Variants in SPI1 observed in about 807,000 individuals in gnomAD.
SPI1 encodes transcription factor PU.1.
Under a neutral mutation model 30.7 loss-of-function variants are expected in SPI1, and 3 were observed. That is an observed-to-expected ratio of 0.10 (90% CI 0.04 to 0.25). SPI1 has a LOEUF of 0.25. Among genes scored for constraint, SPI1 ranks in the 10% least tolerant of loss-of-function variants. The pLI is 1.00. For missense variants in SPI1, 261 were observed against 371.5 expected (o/e 0.70, Z 2.45); for synonymous variants, 169 against 157.1 (o/e 1.08, Z -0.56).
chr11:47,376,248 A>G (rs577505079), intron 1 of SPI1, among the ~76,000 whole-genome samples: 2 of 152,104 alleles, frequency 1.3e-5, no homozygotes, highest in East Asian at 3.9e-4. Flanking sequence ...GCACACACGC[A>G]GAGTCTCCTT....
chr11:47,372,995 T>C (rs888754056), intron 2 of SPI1, among the ~76,000 whole-genome samples: 1 of 152,126 alleles, frequency 6.6e-6, no homozygotes, highest in African/African-American at 2.4e-5. Context: ...GTGCAGGAAT[T>C]GACAGAAGTG....
intron 2 of SPI1, among the ~76,000 whole-genome samples, chr11:47,372,214 C>T (rs2095936891): frequency 6.6e-6 from 1 of 151,904 alleles, no homozygotes; most frequent in Admixed American, 6.6e-5. Flanking sequence ...AAGCGATTCT[C>T]CTGCCTCAGC....
intron 2 of SPI1, among the ~76,000 whole-genome samples, chr11:47,360,982 G>T (rs565940696): frequency 6.6e-6 from 1 of 151,196 alleles, no homozygotes; most frequent in Non-Finnish European, 1.5e-5. Flanking sequence ...TTAGCTGGGC[G>T]TGGTGGCGGG....
At chr11:47,357,145 CCT>C (rs1411704153) in intron 4 of SPI1, among the ~76,000 whole-genome samples, 18 of 150,780 alleles carry the variant, frequency 1.2e-4, no homozygotes, top group Non-Finnish European at 2.4e-4. Flanking sequence ...CATGCTCACA[CCT>C]CATACCTCAC....
At chr11:47,377,043 C>T (rs943939869) in intron 1 of SPI1, among the ~76,000 whole-genome samples, 1 of 152,214 alleles carries the variant, frequency 6.6e-6, no homozygotes, top group Non-Finnish European at 1.5e-5. Flanking sequence ...CTGCCTGGGC[C>T]GCCCACTTCG....
chr11:47,357,973 C>G (rs1018625732), intron 4 of SPI1, among the ~76,000 whole-genome samples: 1 of 151,464 alleles, frequency 6.6e-6, no homozygotes, highest in South Asian at 2.1e-4. Flanking sequence ...TGCTTAAGCA[C>G]GTCCTCACCC....
chr11:47,368,236 A>G (rs1171400245), intron 2 of SPI1, among the ~76,000 whole-genome samples: 1 of 152,128 alleles, frequency 6.6e-6, no homozygotes. Context: ...ATAGTGGTGG[A>G]CACCTGTAAT....
chr11:47,356,245 CCA>C (rs562629428), intron 4 of SPI1, among the ~76,000 whole-genome samples: 8 of 151,070 alleles, frequency 5.3e-5, no homozygotes, highest in Admixed American at 2.6e-4. Context: ...TAACATGCCC[CCA>C]CACACTGGCA....
Position 47,355,456 on chromosome 11 carries a change from T to C in SPI1, c.584A>G (p.Asp195Gly). ...GGACGAGAACTGGAAGGTGCCCTTG[T>C]CCTTGTCCACCCACCAGATGCTGTC... ...MKDSIWWVDK[D>G]KGTFQFSSKH... The change falls in exon 5 of 5, where the codon GAC (aspartate) becomes GGC (glycine). Residue 195 changes from aspartate (D) to glycine (G), a missense_variant. Coordinates refer to ENST00000378538, the MANE Select transcript of SPI1 (RefSeq NM_003120.3). 1 of 1,613,586 alleles carries C rather than the reference T, an allele frequency of 6.2e-7. No individual in the cohort carries two copies. The highest frequency in any genetic ancestry group is 8.5e-7 in the Non-Finnish European group (1 of 1,179,662).
Position 47,375,579 on chromosome 11 carries a change from C to T in SPI1, c.142+54G>A. On this transcript the variant is annotated intron_variant, in intron 2 of 4. Transcript: ENST00000378538. The surrounding 1 kb of genome is among the most constrained non-coding windows in gnomAD (Gnocchi z 4.2). Reference sequence around the variant, plus strand: ...ATTTATTCTTTTTCTCTCTCCAGACCCCAGGAGCCCAGGCTGGGCTGGGGG... The same window carrying T: ...ATTTATTCTTTTTCTCTCTCCAGACTCCAGGAGCCCAGGCTGGGCTGGGGG... 1.5e-6 allele frequency: 2 copies of T among 1,362,486 alleles called. No individual in the cohort carries two copies. The highest frequency in any genetic ancestry group is 2.1e-6 in the Non-Finnish European group (2 of 951,108). 84.4% of individuals were successfully genotyped at this position (1,362,486 alleles called of 1,614,324 possible).
intron 1 of SPI1, among the ~76,000 whole-genome samples, chr11:47,377,004 G>A (rs1443261970): frequency 6.6e-6 from 1 of 152,184 alleles, no homozygotes; most frequent in Non-Finnish European, 1.5e-5. Flanking sequence ...GGCAGAATTG[G>A]CTCTTTCTGA....
chr11:47,357,118 C>T (rs1179786066), intron 4 of SPI1, among the ~76,000 whole-genome samples: 4 of 151,390 alleles, frequency 2.6e-5, no homozygotes, highest in African/African-American at 9.7e-5. Flanking sequence ...CACCCACTCA[C>T]ATGCTCACAC....
intron 4 of SPI1, among the ~76,000 whole-genome samples, chr11:47,355,781 C>T (rs982786574): frequency 2.7e-5 from 4 of 150,760 alleles, no homozygotes; most frequent in African/African-American, 9.8e-5. Flanking sequence ...CTCACCCCCC[C>T]CACGCGCACA....
At position 47,359,904 on chromosome 11, in the gene SPI1, C is replaced by T; in HGVS notation, c.279G>A (p.Met93Ile). The change falls in exon 3 of 5, where the codon ATG becomes ATA. Residue 93 changes from methionine to isoleucine, a missense_variant. Around this residue, in one of 5 missense-constraint regions of SPI1, gnomAD observed 106 missense variants for 102.0 expected, o/e 1.04. Transcript: ENST00000378538. This position sits in a 1 kb window ranked among gnomAD's most constrained non-coding sequence, Gnocchi z 5.1. Reference protein sequence around the residue: ...QLYRHMELEQMHVLDTPMVPP... With the variant: ...QLYRHMELEQIHVLDTPMVPP... ...GCACCATGGGGGTATCGAGGACGTG[C>T]ATCTGCTCCAGCTCCATGTGGCGGT... 1.2e-6 allele frequency: 2 copies of T among 1,610,466 alleles called. No individual in the cohort carries two copies. Among genetic ancestry groups the T allele is most frequent in the Non-Finnish European group, 1.7e-6 (2 of 1,179,888 alleles).
chr11:47,371,091 T>C (rs963535442), intron 2 of SPI1, among the ~76,000 whole-genome samples: 2 of 152,098 alleles, frequency 1.3e-5, no homozygotes, highest in African/African-American at 2.4e-5. Context: ...CCGGGCACGG[T>C]GGCTCACGCC....
chr11:47,361,405 G>C (rs1162550831), intron 2 of SPI1, among the ~76,000 whole-genome samples: 1 of 152,194 alleles, frequency 6.6e-6, no homozygotes, highest in Non-Finnish European at 1.5e-5. Flanking sequence ...CCCCCTGTGG[G>C]TTCCTTGAGT....
chr11:47,355,999 A>G (rs1291885959), intron 4 of SPI1, among the ~76,000 whole-genome samples: 1 of 151,052 alleles, frequency 6.6e-6, no homozygotes, highest in African/African-American at 2.4e-5. Flanking sequence ...TCACACGTAC[A>G]ATGTATCTGA....
intron 4 of SPI1, chr11:47,358,359 C>A: frequency 1.7e-6 from 1 of 597,636 alleles, no homozygotes; most frequent in Non-Finnish European, 3.0e-6. Context: ...CACACAGGCA[C>A]ACCCACACAC....
At position 47,374,419 on chromosome 11, in the gene SPI1, G is replaced by C. The variant is rs982915514; in HGVS notation, c.142+1214C>G. 6.6e-6 allele frequency among the ~76,000 whole-genome samples: 1 copy of C among 152,236 alleles called. No homozygotes were observed. The highest frequency in any genetic ancestry group is 1.5e-5 in the Non-Finnish European group (1 of 68,040). On this transcript the variant is annotated intron_variant, in intron 2 of 4. Transcript: ENST00000378538. The surrounding 1 kb of genome is among the most constrained non-coding windows in gnomAD (Gnocchi z 4.5). ...GCCTACCCCTGGGATATGGCTTCCA[G>C]TCTGAGTTCCGGATGAATCTGGGGC...
Sources: gnomAD v4.1 joint callset for allele counts (sites outside exome capture counted in the v4.1 genomes callset) on GRCh38, gnomAD v4.1.1 for gene constraint, gnomAD v4.1.1 regional missense constraint, Gnocchi (gnomAD v3.1) non-coding constraint, MANE v1.5 for transcripts, NCBI Gene and HGNC (gene_info 2026-07-23, HGNC 2026-07-21) for gene names.